The following RANBP2 variants were observed in gnomAD, a reference collection of about 807,000 sequenced individuals.
RANBP2 encodes RAN binding protein 2.
In RANBP2, 57 loss-of-function variants were observed where a neutral mutation model predicts 303.6. The observed-to-expected ratio is 0.19, with a 90% confidence interval of 0.15 to 0.23. RANBP2 has a LOEUF of 0.23. Ranked by LOEUF, RANBP2 falls within the 10% of genes least tolerant of loss-of-function variation. RANBP2 has a pLI of 1.00. For synonymous variants in RANBP2, 1,167 were observed against 1,301.5 expected (o/e 0.90, Z 2.23); for missense variants, 3,138 against 3,780.8 (o/e 0.83, Z 4.46).
At chr2:109,501,697 C>T in the RANBP2 span, 1 of 738,222 alleles carries the variant, frequency 1.4e-6, no homozygotes. Flanking sequence ...GCACCCAGCT[C>T]ACAGAGGGGG....
At chr2:108,747,377 C>T (rs1696596910) in intron 8 of RANBP2, among the ~76,000 whole-genome samples, 1 of 152,136 alleles carries the variant, frequency 6.6e-6, no homozygotes, top group Admixed American at 6.6e-5. Context: ...ACTGAAGAAA[C>T]ATAATGCTTT....
At chr2:109,387,582 G>A in the RANBP2 span, among the ~76,000 whole-genome samples, 1 of 152,156 alleles carries the variant, frequency 6.6e-6, no homozygotes, top group Non-Finnish European at 1.5e-5. Flanking sequence ...ATCTCCTCAA[G>A]GTCTTGGCTC....
chr2:109,210,489 A>C, the RANBP2 span, among the ~76,000 whole-genome samples: 1 of 152,208 alleles, frequency 6.6e-6, no homozygotes, highest in Non-Finnish European at 1.5e-5. Context: ...GCTGCATCCC[A>C]GGGAGACAGT....
At chr2:109,064,564 C>T in the RANBP2 span, among the ~76,000 whole-genome samples, 2 of 151,640 alleles carry the variant, frequency 1.3e-5, no homozygotes, top group African/African-American at 4.9e-5. Flanking sequence ...AACCTTCACA[C>T]AGTAGGGTGT....
chr2:109,110,784 A>G, the RANBP2 span, among the ~76,000 whole-genome samples: 2 of 152,100 alleles, frequency 1.3e-5, no homozygotes, highest in African/African-American at 4.8e-5. Context: ...GATGCAGGTG[A>G]GATCAGGTGG....
At position 108,755,095 on chromosome 2, in the gene RANBP2, A is replaced by G. The variant is rs766882546; in HGVS notation, c.2382+11A>G. ...AGTAAAAGTTACAAGGTAAACAGGA[A>G]AGAATGGAATCATTTCATTGTGAAA... is the stretch of plus-strand genomic sequence containing the variant. On this transcript the variant is annotated intron_variant, in intron 16 of 28. Transcript: ENST00000283195. 13 of 1,611,862 alleles carry G rather than the reference A, an allele frequency of 8.1e-6. No homozygotes were observed. In the East Asian group the frequency reaches 2.7e-4, roughly 33 times the overall value.
At chr2:109,049,283 T>C in the RANBP2 span, among the ~76,000 whole-genome samples, 1 of 152,196 alleles carries the variant, frequency 6.6e-6, no homozygotes, top group Non-Finnish European at 1.5e-5. Flanking sequence ...CCAAGGGAGA[T>C]GCCTTCTTTC....
At chr2:109,441,085 A>G in the RANBP2 span, among the ~76,000 whole-genome samples, 1 of 148,482 alleles carries the variant, frequency 6.7e-6, no homozygotes, top group African/African-American at 2.5e-5. Flanking sequence ...ATTTCTGATT[A>G]ATTTATCTTT....
the RANBP2 span, among the ~76,000 whole-genome samples, chr2:108,865,164 A>C: frequency 1.3e-5 from 2 of 152,078 alleles, no homozygotes; most frequent in East Asian, 3.9e-4. Context: ...ATATATTATG[A>C]TCAGCATTAT....
the RANBP2 span, chr2:109,544,483 A>G: frequency 2.0e-6 from 2 of 985,310 alleles, no homozygotes; most frequent in East Asian, 1.1e-4. Flanking sequence ...TTGAAGATAA[A>G]TTCTTCTAGA....
At chr2:109,483,946 C>T in the RANBP2 span, among the ~76,000 whole-genome samples, 8 of 152,194 alleles carry the variant, frequency 5.3e-5, no homozygotes, top group Admixed American at 1.3e-4. Context: ...CCCCACAACC[C>T]CCGCCATCCC....
chr2:108,959,077 C>T, the RANBP2 span, among the ~76,000 whole-genome samples: 6 of 152,318 alleles, frequency 3.9e-5, no homozygotes, highest in East Asian at 3.9e-4. Flanking sequence ...GCCAGAAAAA[C>T]GTGTATCAAC....
chr2:109,566,587 T>A, the RANBP2 span, among the ~76,000 whole-genome samples: 1 of 152,142 alleles, frequency 6.6e-6, no homozygotes, highest in Non-Finnish European at 1.5e-5. Context: ...GGTGTATAGA[T>A]ATGGTACTAA....
At chr2:108,986,563 G>A in the RANBP2 span, among the ~76,000 whole-genome samples, 1 of 152,136 alleles carries the variant, frequency 6.6e-6, no homozygotes, top group Non-Finnish European at 1.5e-5. Context: ...TGCTAACCTA[G>A]ACCAGTTCTT....
At chr2:108,930,153 G>A in the RANBP2 span, 1 of 1,613,974 alleles carries the variant, frequency 6.2e-7, no homozygotes, top group South Asian at 1.1e-5. Context: ...CACACGGGGG[G>A]CACTCCTGGC....
chr2:109,466,821 G>A, the RANBP2 span, among the ~76,000 whole-genome samples: 2 of 152,058 alleles, frequency 1.3e-5, no homozygotes, highest in African/African-American at 4.8e-5. Context: ...GTCTATATGT[G>A]TGTATGTGTA....
the RANBP2 span, among the ~76,000 whole-genome samples, chr2:109,445,848 C>G: frequency 2.0e-5 from 3 of 152,016 alleles, no homozygotes; most frequent in Admixed American, 6.6e-5. Flanking sequence ...GCTGGTGATG[C>G]AATAGATCAT....
chr2:108,907,714 C>T, the RANBP2 span: 8 of 904,268 alleles, frequency 8.8e-6, no homozygotes, highest in Non-Finnish European at 1.4e-5. Flanking sequence ...TTGCTGTGAA[C>T]TTGTCACTGT....
the RANBP2 span, among the ~76,000 whole-genome samples, chr2:109,186,012 G>A: frequency 1.3e-5 from 2 of 152,226 alleles, no homozygotes; most frequent in Admixed American, 6.5e-5. Context: ...TCTCTGGGCC[G>A]TTTTTATTCC....
Sources: allele counts gnomAD v4.1 joint callset (sites outside exome capture counted in the v4.1 genomes callset), GRCh38; gene constraint gnomAD v4.1.1; transcripts MANE v1.5; gene names NCBI Gene and HGNC (gene_info 2026-07-23, HGNC 2026-07-21).